COG5: variants seen among roughly 807,000 people sequenced by gnomAD.
The protein encoded by COG5 is conserved oligomeric Golgi complex subunit 5.
COG5 carries 86 observed loss-of-function variants against 110.4 expected under a neutral mutation model. That is an observed-to-expected ratio of 0.78 (90% CI 0.65 to 0.93). The LOEUF (loss-of-function observed/expected upper bound fraction) is 0.93, where lower values mean the gene tolerates loss of function less well. COG5 is among the 40% of genes least tolerant of loss of function. The probability of loss-of-function intolerance (pLI) is 0.00; values close to 1 mark genes in which losing one functional copy is unlikely to be tolerated. For missense variants in COG5, 1,077 were observed against 987.0 expected, an observed-to-expected ratio of 1.09 and a Z score of -1.22; for synonymous variants, 360 against 334.6, an observed-to-expected ratio of 1.08 and a Z score of -0.83.
At chr7:107,230,434 G>T (rs1264500349) in intron 19 of COG5, among the ~76,000 whole-genome samples, 181 bp downstream of exon 19, 1 of 152,072 alleles carries the variant, frequency 6.6e-6, no homozygotes, top group Non-Finnish European at 1.5e-5. Flanking sequence ...TAATTTATTA[G>T]TCATTACATA....
intron 6 of COG5, among the ~76,000 whole-genome samples, chr7:107,479,535 C>A (rs2129118536): frequency 6.6e-6 from 1 of 152,098 alleles, no homozygotes; most frequent in Middle Eastern, 3.4e-3. Context: ...AACGTGAAGG[C>A]AGAGTCAATA....
intron 6 of COG5, among the ~76,000 whole-genome samples, chr7:107,445,179 C>T (rs931520181): frequency 7.2e-5 from 11 of 151,826 alleles, no homozygotes; most frequent in Admixed American, 6.6e-4. Context: ...CCAGCCTGGG[C>T]AACACAGCAA....
chr7:107,402,037 A>G (rs557319792), intron 7 of COG5, among the ~76,000 whole-genome samples: 11 of 152,208 alleles, frequency 7.2e-5, no homozygotes, highest in Non-Finnish European at 8.8e-5. Context: ...GCAAAAGTGA[A>G]AAGAGCTCAT....
chr7:107,540,625 G>T (rs373726870), intron 5 of COG5, among the ~76,000 whole-genome samples: 1 of 147,792 alleles, frequency 6.8e-6, no homozygotes, highest in East Asian at 2.0e-4. Flanking sequence ...AAAAAAAAAA[G>T]ATCAAACTGA....
chr7:107,278,616 C>G (rs1232203912), intron 14 of COG5, among the ~76,000 whole-genome samples: 1 of 152,096 alleles, frequency 6.6e-6, no homozygotes, highest in East Asian at 1.9e-4. Flanking sequence ...TTTTTTATGG[C>G]TGCAGAAATA....
At chr7:107,541,251 C>A (rs931675822) in intron 5 of COG5, among the ~76,000 whole-genome samples, 9 of 151,486 alleles carry the variant, frequency 5.9e-5, no homozygotes, top group Non-Finnish European at 2.9e-5. Context: ...AATTCCAGCA[C>A]TTTGGGAGGC....
chr7:107,363,463 A>G (rs191095657), intron 8 of COG5, among the ~76,000 whole-genome samples: 95 of 152,378 alleles, frequency 6.2e-4, no homozygotes, highest in African/African-American at 2.1e-3. Context: ...AATGAATTAT[A>G]AAACAATGAT....
intron 11 of COG5, among the ~76,000 whole-genome samples, chr7:107,317,808 C>T (rs142373535): frequency 6.6e-6 from 1 of 152,172 alleles, no homozygotes; most frequent in African/African-American, 2.4e-5. Flanking sequence ...CAAACAAAAA[C>T]CCGGAATTAA....
Position 107,552,340 on chromosome 7 carries a change from C to T in COG5, c.292+1945G>A, listed in dbSNP as rs1358014684. Among the ~76,000 whole-genome samples, 4 of 152,084 alleles carry T rather than the reference C, an allele frequency of 2.6e-5. No homozygotes were observed. In the East Asian group the frequency reaches 7.7e-4, roughly 29 times the overall value. The stretch of plus-strand genomic sequence containing the variant: ...CCAAAGAAACTATCAATAGAATAAA[C>T]AGACAACCTACAGAACGGGTGAAAA... On this transcript the variant is annotated intron_variant, in intron 3 of 21. Coordinates refer to ENST00000297135, the MANE Select transcript of COG5 (RefSeq NM_006348.5).
intron 7 of COG5, among the ~76,000 whole-genome samples, chr7:107,410,588 G>C (rs1460479827): frequency 6.6e-6 from 1 of 151,982 alleles, no homozygotes; most frequent in Non-Finnish European, 1.5e-5. Context: ...GATTACAGGA[G>C]TGCGCCACAA....
intron 6 of COG5, among the ~76,000 whole-genome samples, chr7:107,459,446 C>A (rs1795856094): frequency 6.6e-6 from 1 of 151,568 alleles, no homozygotes; most frequent in Non-Finnish European, 1.5e-5. Flanking sequence ...CAATTATAGG[C>A]AAGGATTTCA....
intron 16 of COG5, among the ~76,000 whole-genome samples, chr7:107,251,707 C>T (rs1202285697): frequency 6.6e-6 from 1 of 151,914 alleles, no homozygotes; most frequent in Non-Finnish European, 1.5e-5. Flanking sequence ...AATTGCAGTG[C>T]TTAGTGGAAA....
chr7:107,371,268 T>C (rs1163518009), intron 8 of COG5, among the ~76,000 whole-genome samples: 3 of 152,096 alleles, frequency 2.0e-5, no homozygotes, highest in African/African-American at 7.2e-5. Context: ...TATTCAGTAT[T>C]ACGTAAGGTC....
chr7:107,238,330 T>C (rs1418613216), intron 17 of COG5, among the ~76,000 whole-genome samples: 1 of 152,240 alleles, frequency 6.6e-6, no homozygotes, highest in East Asian at 1.9e-4. Context: ...ATTCCTGTCT[T>C]TCTGAAGGCT....
At chr7:107,420,704 A>C (rs1214490206) in intron 6 of COG5, among the ~76,000 whole-genome samples, 1 of 151,956 alleles carries the variant, frequency 6.6e-6, no homozygotes, top group East Asian at 1.9e-4. Context: ...GTCGTGATCC[A>C]CCCGCCTCGG....
chr7:107,208,571 T>C (rs185909979), intron 21 of COG5: 47 of 985,362 alleles, frequency 4.8e-5, no homozygotes, highest in East Asian at 1.1e-4. Context: ...CACACAGACA[T>C]TGCAAATCCC....
At position 107,372,746 on chromosome 7, in the gene COG5, G is replaced by A. The variant is rs773862978; in HGVS notation, c.684C>T (p.Val228=). Residue 228 remains valine (V), a synonymous_variant, in exon 8 of 22, where the codon GTC becomes GTT. Transcript: ENST00000297135. Reference sequence around the variant, plus strand: ...TATAGAAAACCTGAAGAGCTGTTCCGACTTGAGTTGGATTCTTAAAAAAAG... The same window carrying A: ...TATAGAAAACCTGAAGAGCTGTTCCAACTTGAGTTGGATTCTTAAAAAAAG... The part of the protein sequence containing the change: ...QGLETQNPTQ[V]GTALQVFYNL... The A allele has an allele frequency of 2.1e-5, 34 of 1,613,294 alleles. No homozygotes were observed. Among genetic ancestry groups the A allele is most frequent in the East Asian group, 8.9e-5 (4 of 44,798 alleles).
intron 15 of COG5, among the ~76,000 whole-genome samples, chr7:107,257,969 T>G (rs545760358): frequency 6.6e-6 from 1 of 152,264 alleles, no homozygotes; most frequent in South Asian, 2.1e-4. Flanking sequence ...TGTATCAAAT[T>G]ACATGTTTCA....
At chr7:107,295,038 T>TACACACACACACACAC (rs1249923848) in intron 12 of COG5, among the ~76,000 whole-genome samples, 4 of 53,380 alleles carry the variant, frequency 7.5e-5, no homozygotes, top group African/African-American at 2.8e-4. Context: ...CACACACATA[T>TACACACACACACACAC]ACACACACAC....
Sources: gnomAD v4.1 joint callset for allele counts (sites outside exome capture counted in the v4.1 genomes callset) on GRCh38, gnomAD v4.1.1 for gene constraint, MANE v1.5 for transcripts, NCBI Gene and HGNC (gene_info 2026-07-23, HGNC 2026-07-21) for gene names.